Variants in COL25A1 observed in about 807,000 individuals in gnomAD.
COL25A1 encodes the protein collagen type XXV alpha 1 chain, also known as collagen alpha-1(XXV) chain.
COL25A1 carries 103 observed loss-of-function variants against 128.4 expected under a neutral mutation model. The ratio of observed to expected loss-of-function variants is 0.80; its 90% CI spans 0.68 to 0.94. COL25A1 has a LOEUF of 0.94. COL25A1 is among the 40% of genes least tolerant of loss of function. The pLI is 0.00. For synonymous variants in COL25A1, 279 were observed against 277.2 expected (o/e 1.01, Z -0.06); for missense variants, 745 against 840.0 (o/e 0.89, Z 1.40).
intron 3 of COL25A1, among the ~76,000 whole-genome samples, chr4:109,202,773 A>C (rs370253363): frequency 6.6e-6 from 1 of 152,156 alleles, no homozygotes; most frequent in Non-Finnish European, 1.5e-5. Flanking sequence ...TCTATATTTT[A>C]TATATGTGTG....
At chr4:109,183,760 C>T (rs1774883096) in intron 3 of COL25A1, among the ~76,000 whole-genome samples, 2 of 151,870 alleles carry the variant, frequency 1.3e-5, no homozygotes, top group Non-Finnish European at 2.9e-5. Flanking sequence ...CACGTATGCC[C>T]GTATGTGCAT....
intron 6 of COL25A1, among the ~76,000 whole-genome samples, chr4:108,993,323 T>G (rs10006165): frequency 0.8 from 121,016 of 152,080 alleles, 49,322 homozygotes; most frequent in East Asian, 1. Context: ...TAGCATAATG[T>G]CTTCCAGGTT....
intron 6 of COL25A1, among the ~76,000 whole-genome samples, chr4:108,985,412 G>T (rs970483078): frequency 6.6e-6 from 1 of 152,136 alleles, no homozygotes; most frequent in Non-Finnish European, 1.5e-5. Flanking sequence ...TTAATGTCTT[G>T]TCTTCTTCCT....
chr4:108,886,492 G>GTTT (rs535762905), intron 18 of COL25A1, among the ~76,000 whole-genome samples: 2 of 109,248 alleles, frequency 1.8e-5, no homozygotes, highest in African/African-American at 8.0e-5. Flanking sequence ...GTGTGTGTGT[G>GTTT]TTTAGCTCAT....
chr4:108,994,271 C>A (rs987031775), intron 6 of COL25A1, among the ~76,000 whole-genome samples: 4 of 152,212 alleles, frequency 2.6e-5, no homozygotes, highest in Non-Finnish European at 5.9e-5. Flanking sequence ...ACTTTTCCCA[C>A]AGTCTTAACA....
At position 108,845,097 on chromosome 4, in the gene COL25A1, T is replaced by C. The variant is rs938032773; in HGVS notation, c.1578+92A>G. On this transcript the variant is annotated intron_variant, in intron 29 of 37. Transcript: ENST00000399132. The stretch of plus-strand genomic sequence containing the variant: ...GAGGTTTGAGGTCTGTCTACTGTTG[T>C]GCAGCCATCTGGCAGAGGTGGAATA... 4.7e-6 allele frequency: 5 copies of C among 1,064,070 alleles called. No homozygotes were observed. The African/African-American group carries it at 7.8e-5, about 17-fold the overall frequency. The allele number at this position is 1,064,070 out of a possible 1,614,324, so 65.9% of individuals were successfully genotyped here. A position where few individuals can be genotyped will look rare whatever the true frequency, so the allele number is the denominator to read the frequency against.
intron 35 of COL25A1, among the ~76,000 whole-genome samples, chr4:108,821,435 C>A (rs1320176524): frequency 2.0e-5 from 3 of 152,188 alleles, no homozygotes; most frequent in Admixed American, 6.5e-5. Context: ...CAAATCACTT[C>A]AGTACCATGA....
chr4:109,278,420 G>C (rs1723053893), intron 3 of COL25A1, among the ~76,000 whole-genome samples: 2 of 152,136 alleles, frequency 1.3e-5, no homozygotes, highest in African/African-American at 4.8e-5. Context: ...TTATTAATTT[G>C]TATTGAATTT....
chr4:109,044,785 G>C (rs148893651), intron 5 of COL25A1, among the ~76,000 whole-genome samples: 1 of 152,108 alleles, frequency 6.6e-6, no homozygotes, highest in Non-Finnish European at 1.5e-5. Flanking sequence ...TATATGCCTC[G>C]ATAGCACACT....
At chr4:108,993,720 C>T (rs1053080977) in intron 6 of COL25A1, among the ~76,000 whole-genome samples, 5 of 152,014 alleles carry the variant, frequency 3.3e-5, no homozygotes, top group South Asian at 2.1e-4. Context: ...ATTAGCTGGG[C>T]GTGGTGGTAG....
At chr4:109,077,694 AT>A (rs1763501799) in intron 3 of COL25A1, among the ~76,000 whole-genome samples, 1 of 152,232 alleles carries the variant, frequency 6.6e-6, no homozygotes, top group African/African-American at 2.4e-5. Context: ...CTATTTTAAA[AT>A]GGAAACAGAC....
chr4:108,995,811 A>ATT (rs1335704303), intron 6 of COL25A1, among the ~76,000 whole-genome samples: 1 of 152,216 alleles, frequency 6.6e-6, no homozygotes, highest in African/African-American at 2.4e-5. Context: ...GGGGGCCAAT[A>ATT]TTCAACATTC....
chr4:108,818,675 A>G (rs1047437523), intron 36 of COL25A1, among the ~76,000 whole-genome samples: 3 of 152,126 alleles, frequency 2.0e-5, no homozygotes, highest in Non-Finnish European at 4.4e-5. Context: ...GTTATGTGGC[A>G]AAGAAGAAGG....
chr4:109,239,298 T>G (rs1381201034), intron 3 of COL25A1, among the ~76,000 whole-genome samples: 2 of 148,292 alleles, frequency 1.3e-5, no homozygotes, highest in Admixed American at 6.8e-5. Flanking sequence ...TATATTGTAG[T>G]AATATTATAT....
At chr4:108,896,071 G>A (rs1056659661) in intron 16 of COL25A1, among the ~76,000 whole-genome samples, 12 of 149,174 alleles carry the variant, frequency 8.0e-5, no homozygotes, top group Non-Finnish European at 1.3e-4. Context: ...TCAGCCTCCT[G>A]AGTAGCTGGG....
chr4:108,916,973 T>G (rs1408978388), intron 13 of COL25A1, among the ~76,000 whole-genome samples: 1 of 152,152 alleles, frequency 6.6e-6, no homozygotes, highest in Admixed American at 6.6e-5. Context: ...ACTGAATTTT[T>G]GGAATTTCAC....
intron 19 of COL25A1, among the ~76,000 whole-genome samples, chr4:108,877,675 AC>A (rs1181399965): frequency 4.6e-5 from 7 of 151,948 alleles, no homozygotes; most frequent in Admixed American, 2.0e-4. Flanking sequence ...AAAAAAAAAA[AC>A]AACACATGAA....
At chr4:108,918,851 G>A (rs552307173) in intron 12 of COL25A1, among the ~76,000 whole-genome samples, 11 of 152,102 alleles carry the variant, frequency 7.2e-5, no homozygotes, top group South Asian at 2.1e-4. Flanking sequence ...ACGTGTGGGC[G>A]TGTGTGTGCA....
intron 5 of COL25A1, among the ~76,000 whole-genome samples, chr4:109,024,590 TTTTATTA>T (rs1350237782): frequency 1.3e-5 from 2 of 152,028 alleles, no homozygotes; most frequent in Non-Finnish European, 1.5e-5. Flanking sequence ...AAGTAAATAT[TTTTATTA>T]TTTAAGTTTT....
Sources: gnomAD v4.1 joint callset for allele counts (sites outside exome capture counted in the v4.1 genomes callset) on GRCh38, gnomAD v4.1.1 for gene constraint, MANE v1.5 for transcripts, NCBI Gene and HGNC (gene_info 2026-07-23, HGNC 2026-07-21) for gene names.